The following ZNF324 variants were observed in gnomAD, a reference collection of about 807,000 sequenced individuals.
The protein encoded by ZNF324 is zinc finger protein 324A.
In ZNF324, 3 loss-of-function variants were observed where a neutral mutation model predicts 10.3. The ratio of observed to expected loss-of-function variants is 0.29; its 90% CI spans 0.13 to 0.75. The LOEUF (loss-of-function observed/expected upper bound fraction) is 0.75, where lower values mean the gene tolerates loss of function less well. Among genes scored for constraint, ZNF324 ranks in the 30% least tolerant of loss-of-function variants. The pLI is 0.69. For synonymous variants in ZNF324, 430 were observed against 339.5 expected (o/e 1.27, Z -2.93); for missense variants, 763 against 784.4 (o/e 0.97, Z 0.33).
In ZNF324 at chr19:58,474,965, T is replaced by C. The variant is rs143632818; in HGVS notation, c.*2811T>C. The C allele has an allele frequency of 2.0e-5, 3 of 152,280 alleles. No homozygotes were observed. The highest frequency in any genetic ancestry group is 4.8e-5 in the African/African-American group (2 of 41,534). 9.4% of individuals were successfully genotyped at this position (152,280 alleles called of 1,614,324 possible). ...CAGCAGCCCAGAGACGGGAGACCTA[T>C]ATCAAAGCTGCCTGGGGAACAACTA... On this transcript the variant is annotated 3_prime_UTR_variant, in exon 4 of 4. Coordinates refer to ENST00000196482, the MANE Select transcript of ZNF324 (RefSeq NM_014347.3).
chr19:58,468,929 C>T (rs2122404869), intron 1 of ZNF324, among the ~76,000 whole-genome samples: 1 of 152,264 alleles, frequency 6.6e-6, no homozygotes, highest in African/African-American at 2.4e-5. Context: ...CACAGCCATA[C>T]CTTAAACTAA....
rs758776004 is a variant in ZNF324 at position 58,469,775 on chromosome 19, G to A, written c.169G>A (p.Glu57Lys). The change falls in exon 3 of 4, where the codon GAG becomes AAG. Residue 57 changes from glutamate (E) to lysine (K), a missense_variant. Physicochemically the swap from Glu to Lys is moderately conservative, Grantham distance 56. Coordinates refer to ENST00000196482, the MANE Select transcript of ZNF324 (RefSeq NM_014347.3). ...PRVVIQLERG[E>K]EPWVPSGTDT... ...TGTGGTCATCCAACTGGAGCGTGGC[G>A]AGGAGCCCTGGGTTCCCAGTGGAAC... The A allele has an allele frequency of 4.4e-6, 7 of 1,595,806 alleles. No individual in the cohort carries two copies. Among genetic ancestry groups the A allele is most frequent in the East Asian group, 2.3e-5 (1 of 44,022 alleles).
In ZNF324 at chr19:58,472,091, G is replaced by A. The variant is rs377733639; in HGVS notation, c.1599G>A (p.Ala533=). The A allele has an allele frequency of 1.6e-5, 26 of 1,598,688 alleles. No homozygotes were observed. Among genetic ancestry groups the A allele is most frequent in the African/African-American group, 2.7e-5 (2 of 74,822 alleles). Residue 533 remains alanine, a synonymous_variant, in exon 4 of 4, where the codon GCG becomes GCA. Transcript: ENST00000196482. ...VAGASSEGAP[A]KETEPTPASG... ...GGGCATCATCAGAAGGTGCGCCAGC[G>A]AAGGAAACCGAGCCCACTCCCGCCT...
rs1224046575 is a variant in ZNF324, at chr19:58,475,028, T to C, written c.*2874T>C. The C allele has an allele frequency of 6.6e-6, 1 of 152,036 alleles. No individual in the cohort carries two copies. Among genetic ancestry groups the C allele is most frequent in the Non-Finnish European group, 1.5e-5 (1 of 68,012 alleles). 9.4% of individuals were successfully genotyped at this position (152,036 alleles called of 1,614,324 possible). On this transcript the variant is annotated 3_prime_UTR_variant, in exon 4 of 4. Coordinates refer to ENST00000196482, the MANE Select transcript of ZNF324 (RefSeq NM_014347.3). ...TTAACGCCCCAGTGCTCTCCCCACA[T>C]GGTGGAGGGTGAAAGTTTTTGTTTT...
intron 1 of ZNF324, chr19:58,468,239 G>A: frequency 2.0e-6 from 2 of 985,388 alleles, no homozygotes; most frequent in Non-Finnish European, 2.4e-6. Flanking sequence ...CTGTGGACAG[G>A]GCCTATGAAT....
chr19:58,469,616 A>G (rs895133217), intron 2 of ZNF324, 112 bp from the exon 3 acceptor site: 23 of 890,564 alleles, frequency 2.6e-5, no homozygotes, highest in Middle Eastern at 3.3e-4. Flanking sequence ...TAGATTCTGC[A>G]GTTGCACAGA....
In ZNF324 at chr19:58,471,890, C is replaced by T. The variant is rs909464767; in HGVS notation, c.1398C>T (p.Ala466=). The part of the protein sequence containing the change: ...VDCGKAFAKG[A]VLLSHRRIHT... The stretch of plus-strand genomic sequence containing the variant: ...GTGGCAAGGCCTTCGCCAAGGGCGC[C>T]GTGCTGCTCAGCCACCGGCGCATTC... Residue 466 remains alanine, a synonymous_variant, in exon 4 of 4, where the codon GCC becomes GCT. Coordinates refer to ENST00000196482, the MANE Select transcript of ZNF324 (RefSeq NM_014347.3). 3 of 1,611,336 alleles carry T rather than the reference C, an allele frequency of 1.9e-6. No homozygotes were observed. Among genetic ancestry groups the T allele is most frequent in the African/African-American group, 1.3e-5 (1 of 74,878 alleles).
In ZNF324 at chr19:58,471,047, G is replaced by A. The variant is rs201457055; in HGVS notation, c.555G>A (p.Leu185=). The change falls in exon 4 of 4, where the codon CTG becomes CTA. Residue 185 remains leucine (L), a synonymous_variant. Transcript: ENST00000196482. ...AGACACTCACAGAGCATGCGTTGCTGGGGAGGCAGCCCAGGACGCCTGAGC... is the reference window on the plus strand; with the variant it reads ...AGACACTCACAGAGCATGCGTTGCTAGGGAGGCAGCCCAGGACGCCTGAGC... The part of the protein sequence containing the change: ...REKTLTEHAL[L]GRQPRTPERQ... 116 of 1,613,812 alleles carry A rather than the reference G, an allele frequency of 7.2e-5. No homozygotes were observed. The East Asian group carries it at 2.5e-3, about 35-fold the overall frequency.
At chr19:58,470,600 C>A in intron 3 of ZNF324, 131 bp from the exon 4 acceptor site, 2 of 1,152,598 alleles carry the variant, frequency 1.7e-6, no homozygotes, top group Non-Finnish European at 2.6e-6. Flanking sequence ...TCCTGCAGGG[C>A]CAGCCTCACC....
At chr19:58,470,394 G>A (rs898660320) in intron 3 of ZNF324, 11 of 425,190 alleles carry the variant, frequency 2.6e-5, no homozygotes, top group African/African-American at 8.1e-5. Flanking sequence ...GGACAGGGGC[G>A]GGGGGAAGGG....
chr19:58,469,085 C>A, intron 1 of ZNF324, 95 bp from the exon 2 acceptor site: 1 of 1,514,530 alleles, frequency 6.6e-7, no homozygotes, highest in Admixed American at 1.8e-5. Flanking sequence ...ATGTGTTGCC[C>A]AAGACAATTC....
Position 58,472,110 on chromosome 19 carries a change from C to T in ZNF324, c.1618C>T (p.Pro540Ser). ...GCCAGCGAAGGAAACCGAGCCCACT[C>T]CCGCCTCGGGCCCAGCCGCCGTCTC... is the stretch of plus-strand genomic sequence containing the variant. Reference protein sequence around the residue: ...GAPAKETEPTPASGPAAVSQP... With the variant: ...GAPAKETEPTSASGPAAVSQP... Residue 540 changes from proline (P) to serine (S), a missense_variant, in exon 4 of 4, where the codon CCC becomes TCC. Physicochemically the swap from Pro to Ser is moderately conservative, Grantham distance 74. This residue lies in a region of ZNF324 where 231 missense variants were observed against 196.0 expected (regional missense o/e 1.18). Coordinates refer to ENST00000196482, the MANE Select transcript of ZNF324 (RefSeq NM_014347.3). 6.3e-7 allele frequency: 1 copy of T among 1,593,480 alleles called. No individual in the cohort carries two copies. Among genetic ancestry groups the T allele is most frequent in the Non-Finnish European group, 8.5e-7 (1 of 1,170,806 alleles).
intron 1 of ZNF324, 82 bp downstream of exon 1, chr19:58,467,265 C>T (rs1039335182): frequency 6.6e-6 from 1 of 152,232 alleles, no homozygotes; most frequent in East Asian, 1.9e-4. Context: ...CGCCCCCAAG[C>T]CTCTGTTTCT....
intron 1 of ZNF324, among the ~76,000 whole-genome samples, chr19:58,468,780 G>A (rs2053003129): frequency 6.6e-6 from 1 of 152,078 alleles, no homozygotes; most frequent in Non-Finnish European, 1.5e-5. Context: ...TCTGGTCAGG[G>A]AGGGCAGAGG....
chr19:58,469,256 C>T lies in ZNF324; in HGVS notation c.71C>T (p.Ala24Val). The change falls in exon 2 of 4, where the codon GCC (alanine) becomes GTC (valine). Residue 24 changes from alanine to valine, a missense_variant. Transcript: ENST00000196482. ...EWGLLDTAQR[A>V]LYRRVMLDNF... ...GGGCTCCTGGACACAGCCCAGAGGG[C>T]CCTGTACCGCCGCGTGATGCTAGAC... 2 of 1,614,164 alleles carry T rather than the reference C, an allele frequency of 1.2e-6. No homozygotes were observed. Among genetic ancestry groups the T allele is most frequent in the Non-Finnish European group, 1.7e-6 (2 of 1,180,022 alleles).
In ZNF324 at chr19:58,470,972, G is replaced by A; in HGVS notation, c.480G>A (p.Leu160=). The change falls in exon 4 of 4, where the codon CTG becomes CTA. Residue 160 remains leucine, a synonymous_variant. Transcript: ENST00000196482. ...GCAGTGGGCAAGCCAGCGTCAGCCT[G>A]CGACTGACCTCCCCGCTTAGGCCTC... ...GSGSGQASVS[L]RLTSPLRPPE... is the part of the protein sequence containing the mutation. The A allele has an allele frequency of 6.2e-7, 1 of 1,614,252 alleles. No homozygotes were observed. Among genetic ancestry groups the A allele is most frequent in the Non-Finnish European group, 8.5e-7 (1 of 1,180,052 alleles).
Position 58,472,338 on chromosome 19 carries a change from T to G in ZNF324, c.*184T>G. 1.6e-6 allele frequency: 1 copy of G among 630,932 alleles called. No homozygotes were observed. Among genetic ancestry groups the G allele is most frequent in the Non-Finnish European group, 2.7e-6 (1 of 374,922 alleles). The allele number at this position is 630,932 out of a possible 1,614,324, so 39.1% of individuals were successfully genotyped here. Reference sequence around the variant, plus strand: ...TGCCAGTTCACCCACAGATCACACCTCCATCCCCAAAGAGGTAGCACTGCA... The same window carrying G: ...TGCCAGTTCACCCACAGATCACACCGCCATCCCCAAAGAGGTAGCACTGCA... On this transcript the variant is annotated 3_prime_UTR_variant, in exon 4 of 4. Coordinates refer to ENST00000196482, the MANE Select transcript of ZNF324 (RefSeq NM_014347.3).
In ZNF324 at chr19:58,472,189, C is replaced by T. The variant is rs1181781045; in HGVS notation, c.*35C>T. 1 of 1,528,390 alleles carries T rather than the reference C, an allele frequency of 6.5e-7. No individual in the cohort carries two copies. Among genetic ancestry groups the T allele is most frequent in the Non-Finnish European group, 8.8e-7 (1 of 1,138,562 alleles). 94.7% of individuals were successfully genotyped at this position (1,528,390 alleles called of 1,614,324 possible). On this transcript the variant is annotated 3_prime_UTR_variant, in exon 4 of 4. Transcript: ENST00000196482. Reference sequence around the variant, plus strand: ...TTGCAGCCCTGGCCTTCTGTGAATCCCTTCCACAGCTAAAGGGCATATGTC... The same window carrying T: ...TTGCAGCCCTGGCCTTCTGTGAATCTCTTCCACAGCTAAAGGGCATATGTC...
At chr19:58,469,896 C>G in intron 3 of ZNF324, 52 bp downstream of exon 3, 5 of 1,453,666 alleles carry the variant, frequency 3.4e-6, no homozygotes, top group Non-Finnish European at 4.7e-6. Flanking sequence ...GTGGTCATGC[C>G]TCTGTCCCTG....
Sources: allele counts gnomAD v4.1 joint callset (sites outside exome capture counted in the v4.1 genomes callset), GRCh38; gene constraint gnomAD v4.1.1; regional missense constraint gnomAD v4.1.1; transcripts MANE v1.5; gene names NCBI Gene and HGNC (gene_info 2026-07-23, HGNC 2026-07-21).